Variants in NLGN4X observed in about 807,000 individuals in gnomAD.
NLGN4X encodes the protein neuroligin-4, X-linked.
In NLGN4X, 3 loss-of-function variants were observed where a neutral mutation model predicts 40.3. The observed-to-expected ratio is 0.07, with a 90% CI of 0.03 to 0.19. The LOEUF (loss-of-function observed/expected upper bound fraction) is 0.19, where lower values mean the gene tolerates loss of function less well. Among genes scored for constraint, NLGN4X ranks in the 10% least tolerant of loss-of-function variants. The pLI, the probability that NLGN4X is intolerant of heterozygous loss-of-function variation, is 1.00. For synonymous variants in NLGN4X, 270 were observed against 306.8 expected, an observed-to-expected ratio of 0.88 and a Z score of 1.25; for missense variants, 382 against 708.3, an observed-to-expected ratio of 0.54 and a Z score of 5.23.
chrX:5,947,922 G>A (rs1248551946), intron 3 of NLGN4X, among the ~76,000 whole-genome samples: 2 of 111,852 alleles, frequency 1.8e-5, no homozygotes, highest in African/African-American at 6.5e-5. Flanking sequence ...AGAATAGCAT[G>A]AGCACAAAAA....
chrX:5,895,622 T>C (rs2031445788), intron 5 of NLGN4X, among the ~76,000 whole-genome samples: 1 of 111,221 alleles, frequency 9.0e-6, no homozygotes. Flanking sequence ...TATGTGTATA[T>C]CTATCTATAG....
At chrX:6,066,085 A>G (rs1410712797) in intron 2 of NLGN4X, among the ~76,000 whole-genome samples, 1 of 111,987 alleles carries the variant, frequency 8.9e-6, no homozygotes, top group African/African-American at 3.2e-5. Context: ...ATTGGTAAGT[A>G]TTTATGGTTT....
At chrX:6,148,540 G>A (rs780645102) in intron 2 of NLGN4X, among the ~76,000 whole-genome samples, 19 of 109,917 alleles carry the variant, frequency 1.7e-4, no homozygotes, top group Non-Finnish European at 3.2e-4. Flanking sequence ...TTTTTGAGAC[G>A]GAGTCTTGCT....
intron 3 of NLGN4X, among the ~76,000 whole-genome samples, chrX:5,927,343 G>A (rs765545940): frequency 6.3e-5 from 7 of 111,919 alleles, no homozygotes; most frequent in Non-Finnish European, 1.3e-4. Flanking sequence ...TTGATCAATT[G>A]TACTTTCTGT....
chrX:6,131,732 G>A (rs2039686117), intron 2 of NLGN4X, among the ~76,000 whole-genome samples: 1 of 112,324 alleles, frequency 8.9e-6, no homozygotes, highest in Non-Finnish European at 1.9e-5. Flanking sequence ...ACTGTGCATT[G>A]TAGGACTTGT....
chrX:5,917,359 T>G (rs1488907264), intron 3 of NLGN4X, among the ~76,000 whole-genome samples: 1 of 112,741 alleles, frequency 8.9e-6, no homozygotes, highest in African/African-American at 3.2e-5. Flanking sequence ...AAGTGTCCTG[T>G]GTGATTATCT....
chrX:5,985,849 C>T lies in NLGN4X; in HGVS notation c.625+43431G>A, dbSNP rs190715104. On this transcript the variant is annotated intron_variant, in intron 3 of 5. Transcript: ENST00000381095. ...ACTAACAAAACAAAGGTAATGTTAACGTCAAACTAAACAGACATTAAGGCA... is the reference window on the plus strand; with the variant it reads ...ACTAACAAAACAAAGGTAATGTTAATGTCAAACTAAACAGACATTAAGGCA... 9.0e-5 allele frequency among the ~76,000 whole-genome samples: 10 copies of T among 111,353 alleles called. No homozygotes were observed. In the East Asian group the frequency reaches 1.7e-3, roughly 19 times the overall value.
chrX:5,903,930 G>C, intron 4 of NLGN4X, 64 bp from the exon 5 acceptor site: 1 of 1,157,163 alleles, frequency 8.6e-7, no homozygotes. Flanking sequence ...AGCTTTTACT[G>C]AGCAATGAAG....
chrX:6,174,184 C>A (rs143902562), intron 1 of NLGN4X, among the ~76,000 whole-genome samples: 83 of 111,607 alleles, frequency 7.4e-4, no homozygotes, highest in African/African-American at 2.6e-3. Flanking sequence ...CATCATTGAT[C>A]ATTAGGGAAA....
chrX:6,212,041 T>C (rs763831428), intron 1 of NLGN4X, among the ~76,000 whole-genome samples: 1 of 110,446 alleles, frequency 9.1e-6, no homozygotes, highest in South Asian at 4.0e-4. Context: ...AGGTCAGGAG[T>C]TCGAGACCAG....
At chrX:6,050,551 T>C (rs1007530505) in intron 2 of NLGN4X, among the ~76,000 whole-genome samples, 1 of 111,828 alleles carries the variant, frequency 8.9e-6, no homozygotes, top group Non-Finnish European at 1.9e-5. Context: ...CATGTATCCA[T>C]ATCTGTCTAT....
intron 2 of NLGN4X, among the ~76,000 whole-genome samples, chrX:6,057,387 T>C (rs2037658931): frequency 8.9e-6 from 1 of 111,833 alleles, no homozygotes; most frequent in Admixed American, 9.5e-5. Context: ...GAAATAATTC[T>C]CAAGCACACC....
chrX:6,084,927 CA>C (rs1464422819), intron 2 of NLGN4X, among the ~76,000 whole-genome samples: 2 of 109,489 alleles, frequency 1.8e-5, no homozygotes, highest in Admixed American at 2.0e-4. Context: ...TATAGCAGCA[CA>C]AAATGGACTA....
intron 1 of NLGN4X, among the ~76,000 whole-genome samples, chrX:6,215,290 C>T (rs1924972990): frequency 9.1e-6 from 1 of 110,180 alleles, no homozygotes; most frequent in African/African-American, 3.3e-5. Flanking sequence ...GTGGCTCACG[C>T]CTGTAATCCC....
At chrX:5,978,324 CTTTCTTTCTTTCT>C (rs1569164969) in intron 3 of NLGN4X, among the ~76,000 whole-genome samples, 35 of 79,129 alleles carry the variant, frequency 4.4e-4, no homozygotes, top group Middle Eastern at 5.6e-3. Context: ...TTCTTTCTTT[CTTTCTTTCTTTCT>C]TTCTTTCCCT....
At chrX:6,179,313 G>T (rs1396714860) in intron 1 of NLGN4X, among the ~76,000 whole-genome samples, 1 of 111,140 alleles carries the variant, frequency 9.0e-6, no homozygotes, top group Non-Finnish European at 1.9e-5. Context: ...GGAAAAAGAG[G>T]CATATTTTGT....
At chrX:5,929,375 G>A (rs945064731) in intron 3 of NLGN4X, among the ~76,000 whole-genome samples, 14 of 111,446 alleles carry the variant, frequency 1.3e-4, no homozygotes, top group African/African-American at 4.6e-4. Flanking sequence ...GCTGAGACAG[G>A]AGAATCACTT....
chrX:5,899,338 T>C (rs2031712236), intron 5 of NLGN4X, among the ~76,000 whole-genome samples: 1 of 111,917 alleles, frequency 8.9e-6, no homozygotes, highest in South Asian at 3.7e-4. Flanking sequence ...TTGATTTCAG[T>C]AGCATCAGAG....
intron 3 of NLGN4X, among the ~76,000 whole-genome samples, chrX:5,940,117 C>T (rs1055377339): frequency 6.4e-5 from 7 of 109,606 alleles, no homozygotes. Context: ...ATTTCTCATG[C>T]ATTTCTTATC....
Sources: gnomAD v4.1 joint callset for allele counts (sites outside exome capture counted in the v4.1 genomes callset) on GRCh38, gnomAD v4.1.1 for gene constraint, MANE v1.5 for transcripts, NCBI Gene and HGNC (gene_info 2026-07-23, HGNC 2026-07-21) for gene names.